DST: variants seen among roughly 807,000 people sequenced by gnomAD.
The protein encoded by DST is dystonin.
Under a neutral mutation model 875.2 loss-of-function variants are expected in DST, and 253 were observed. The observed-to-expected ratio is 0.29, with a 90% CI of 0.26 to 0.32. The LOEUF (loss-of-function observed/expected upper bound fraction) is 0.32, where lower values mean the gene tolerates loss of function less well. Among genes scored for constraint, DST ranks in the 10% least tolerant of loss-of-function variants. The pLI is 1.00. For synonymous variants in DST, 3,124 were observed against 3,197.1 expected, an observed-to-expected ratio of 0.98 and a Z score of 0.77; for missense variants, 8,287 against 9,111.6, an observed-to-expected ratio of 0.91 and a Z score of 3.68.
chr6:56,910,713 G>C (rs1592372040), intron 2 of DST, among the ~76,000 whole-genome samples: 1 of 151,258 alleles, frequency 6.6e-6, no homozygotes. Context: ...TCGAACTCCT[G>C]ACCTCAAATG....
intron 32 of DST, 128 bp downstream of exon 32, chr6:56,629,122 A>G: frequency 1.1e-6 from 1 of 872,388 alleles, no homozygotes; most frequent in Admixed American, 2.3e-5. Flanking sequence ...AATATGGCTA[A>G]GTAGAGGTAT....
Position 56,594,179 on chromosome 6 carries a change from C to G in DST, c.12210G>C (p.Lys4070Asn), listed in dbSNP as rs778224745. The stretch of plus-strand genomic sequence containing the variant: ...TCACTGCTTGGTGCTGAGAGATGAT[C>G]TTCTCGTGTTGGGCCTATGTGAAAA... ...QYQKVKAQHEKIISQHQAVII... is the reference protein window; with the variant it reads ...QYQKVKAQHENIISQHQAVII... Residue 4070 changes from lysine (K) to asparagine (N), a missense_variant, in exon 48 of 104, where the codon AAG becomes AAC. Lys to Asn is a moderately conservative substitution (Grantham distance 94, BLOSUM62 0). Around this residue, in one of 10 missense-constraint regions of DST, gnomAD observed 1,513 missense variants for 1,677.8 expected, o/e 0.90. Transcript: ENST00000680361. 6.5e-7 allele frequency: 1 copy of G among 1,529,202 alleles called. No homozygotes were observed. Among genetic ancestry groups the G allele is most frequent in the South Asian group, 1.3e-5 (1 of 75,744 alleles). The allele number at this position is 1,529,202 out of a possible 1,614,324, so 94.7% of individuals were successfully genotyped here.
At chr6:56,564,001 A>G (rs1381186201) in intron 55 of DST, among the ~76,000 whole-genome samples, 2 of 152,200 alleles carry the variant, frequency 1.3e-5, no homozygotes, top group African/African-American at 4.8e-5. Flanking sequence ...GTTTGAAGTC[A>G]GGTAGCATGA....
At chr6:56,479,607 T>C (rs1029917622) in intron 90 of DST, among the ~76,000 whole-genome samples, 7 of 152,006 alleles carry the variant, frequency 4.6e-5, no homozygotes, top group Non-Finnish European at 7.4e-5. Flanking sequence ...TAAAAAAGAA[T>C]GAAATCATGT....
chr6:56,573,275 G>A (rs2097804467), intron 51 of DST, among the ~76,000 whole-genome samples: 1 of 152,148 alleles, frequency 6.6e-6, no homozygotes, highest in Non-Finnish European at 1.5e-5. Flanking sequence ...TGGCTAGTTG[G>A]TCGAAAGAGG....
At chr6:56,695,086 C>T (rs1196319566) in intron 9 of DST, among the ~76,000 whole-genome samples, 3 of 148,498 alleles carry the variant, frequency 2.0e-5, no homozygotes, top group South Asian at 2.1e-4. Context: ...AAGATTGCAC[C>T]GCTGCACTCC....
At chr6:56,797,357 G>A (rs921582785) in intron 4 of DST, among the ~76,000 whole-genome samples, 19 of 152,000 alleles carry the variant, frequency 1.3e-4, no homozygotes, top group Non-Finnish European at 2.8e-4. Flanking sequence ...ACCCTACAAG[G>A]GCCTCTATGT....
chr6:56,850,213 C>T (rs1347580419), intron 4 of DST, among the ~76,000 whole-genome samples: 1 of 152,188 alleles, frequency 6.6e-6, no homozygotes, highest in African/African-American at 2.4e-5. Context: ...CCAGAAGAAG[C>T]TCAAGGCTGT....
At chr6:56,642,781 C>T (rs2098919348) in intron 15 of DST, 1 of 1,613,976 alleles carries the variant, frequency 6.2e-7, no homozygotes, top group Non-Finnish European at 8.5e-7. Flanking sequence ...ATAACTACTA[C>T]TGTGCATTTT....
At chr6:56,531,893 C>A (rs368502285) in intron 64 of DST, among the ~76,000 whole-genome samples, 1 of 81,614 alleles carries the variant, frequency 1.2e-5, no homozygotes, top group African/African-American at 3.8e-5. Flanking sequence ...CATTTCCCTG[C>A]CCCTAGGCTA....
intron 4 of DST, among the ~76,000 whole-genome samples, chr6:56,786,573 C>T (rs921131567): frequency 3.3e-5 from 5 of 152,190 alleles, no homozygotes; most frequent in African/African-American, 9.6e-5. Flanking sequence ...CGCTCTGTCA[C>T]CCAGGCTACA....
Position 56,699,745 on chromosome 6 carries a change from C to A in DST, c.955G>T (p.Val319Leu). The change falls in exon 9 of 104, where the codon GTG (valine) becomes TTG (leucine). Residue 319 changes from valine to leucine, a missense_variant and splice_region_variant. Physicochemically the swap from Val to Leu is conservative, Grantham distance 32. Coordinates refer to ENST00000680361, the MANE Select transcript of DST (RefSeq NM_001374736.1). ...IALDYLKRRQ[V>L]KLVNIRNDDI... ...TCATTTCTAATATTCACTAATTTCA[C>A]CTGTTTTGAATGTGAAGAAGAGATA... is the stretch of plus-strand genomic sequence containing the variant. 6.9e-7 allele frequency: 1 copy of A among 1,445,764 alleles called. No homozygotes were observed. Among genetic ancestry groups the A allele is most frequent in the South Asian group, 1.4e-5 (1 of 72,890 alleles). 89.6% of individuals were successfully genotyped at this position (1,445,764 alleles called of 1,614,324 possible).
chr6:56,916,739 T>TTC lies in DST; in HGVS notation c.217-16120_217-16119dup, dbSNP rs1311090161. ...TGTACTCCAGCCCTGAGACAAGATCTTCTCTCTCTCTCTATCTCTCTCTCT... is the reference window on the plus strand; with the variant it reads ...TGTACTCCAGCCCTGAGACAAGATCTTCTCTCTCTCTCTCTATCTCTCTCTCT... On this transcript the variant is annotated intron_variant, in intron 2 of 103. Coordinates refer to ENST00000680361, the MANE Select transcript of DST (RefSeq NM_001374736.1). Among the ~76,000 whole-genome samples, 492 of 111,528 alleles carry TTC rather than the reference T, an allele frequency of 4.4e-3. 7 individuals carry two copies. Among genetic ancestry groups the TTC allele is most frequent in the African/African-American group, 0.017 (452 of 26,224 alleles). The allele number at this position is 111,528 out of a possible 152,430, so 73.2% of individuals were successfully genotyped here.
chr6:56,827,251 C>T (rs908753182), intron 4 of DST, among the ~76,000 whole-genome samples: 5 of 152,114 alleles, frequency 3.3e-5, no homozygotes, highest in African/African-American at 1.2e-4. Context: ...CGCGGTGGCT[C>T]TCGCCTGTAA....
chr6:56,844,763 C>G (rs982517529), intron 4 of DST, among the ~76,000 whole-genome samples: 9 of 151,632 alleles, frequency 5.9e-5, no homozygotes, highest in African/African-American at 1.7e-4. Context: ...ATCCCAGCTA[C>G]TCGGGAGGTT....
chr6:56,608,450 G>A lies in DST; in HGVS notation c.6178C>T (p.Leu2060Phe), dbSNP rs1332386433. 3 of 1,613,740 alleles carry A rather than the reference G, an allele frequency of 1.9e-6. No individual in the cohort carries two copies. Among genetic ancestry groups the A allele is most frequent in the South Asian group, 2.2e-5 (2 of 91,080 alleles). ...QCDLITSSSA[L>F]LVLEAQRGYV... is the part of the protein sequence containing the mutation. ...CCTCGCTGAGCTTCCAGGACCAGAA[G>A]AGCACTGCTGGAAGTTATTAAATCA... is the stretch of plus-strand genomic sequence containing the variant. Residue 2060 changes from leucine (L) to phenylalanine (F), a missense_variant, in exon 40 of 104, where the codon CTT becomes TTT. Leu to Phe is a conservative substitution (Grantham distance 22, BLOSUM62 0). This residue lies in a region of DST where 3,138 missense variants were observed against 3,116.6 expected (regional missense o/e 1.01). Coordinates refer to ENST00000680361, the MANE Select transcript of DST (RefSeq NM_001374736.1).
Position 56,573,769 on chromosome 6 carries a change from G to C in DST, c.13146C>G (p.Asp4382Glu). ...SVQDGLDEML[D>E]WMGNVESSLK... ...GAGAACTTTCCACATTTCCCATCCA[G>C]TCCAGCATTTCATCCAAGCCATCCT... The change falls in exon 51 of 104, where the codon GAC becomes GAG. Residue 4382 changes from aspartate (D) to glutamate (E), a missense_variant. This residue lies in a region of DST where 1,513 missense variants were observed against 1,677.8 expected (regional missense o/e 0.90). Coordinates refer to ENST00000680361, the MANE Select transcript of DST (RefSeq NM_001374736.1). 6.2e-7 allele frequency: 1 copy of C among 1,613,614 alleles called. No homozygotes were observed. The highest frequency in any genetic ancestry group is 8.5e-7 in the Non-Finnish European group (1 of 1,179,688).
Position 56,764,250 on chromosome 6 carries a change from T to G in DST, c.626-28961A>C, listed in dbSNP as rs2099626741. ...GCTCCCCAGTGGCTGAACTGAAAAA[T>G]GCAAGTCACCAACAAGCAAAGCAAC... On this transcript the variant is annotated intron_variant, in intron 4 of 103. Coordinates refer to ENST00000680361, the MANE Select transcript of DST (RefSeq NM_001374736.1). Among the ~76,000 whole-genome samples the G allele has an allele frequency of 2.0e-5, 3 of 152,112 alleles. 1 individual carries two copies. Among genetic ancestry groups the G allele is most frequent in the African/African-American group, 4.8e-5 (2 of 41,432 alleles).
chr6:56,715,107 C>T (rs1302863079), intron 5 of DST, among the ~76,000 whole-genome samples: 3 of 152,164 alleles, frequency 2.0e-5, no homozygotes. Flanking sequence ...CTACACTTTG[C>T]ATTTGACCTT....
Sources: allele counts gnomAD v4.1 joint callset (sites outside exome capture counted in the v4.1 genomes callset), GRCh38; gene constraint gnomAD v4.1.1; regional missense constraint gnomAD v4.1.1; transcripts MANE v1.5; gene names NCBI Gene and HGNC (gene_info 2026-07-23, HGNC 2026-07-21).